STK36: variants seen among roughly 807,000 people sequenced by gnomAD.
The protein encoded by STK36 is serine/threonine kinase 36.
Under a neutral mutation model 142.2 loss-of-function variants are expected in STK36, and 116 were observed. The observed-to-expected ratio is 0.82, with a 90% confidence interval of 0.70 to 0.95. The LOEUF is 0.95. Ranked by LOEUF, STK36 falls within the 40% of genes least tolerant of loss-of-function variation. The pLI, the probability that STK36 is intolerant of heterozygous loss-of-function variation, is 0.00. For missense variants in STK36, 1,422 were observed against 1,617.2 expected (o/e 0.88, Z 2.07); for synonymous variants, 619 against 641.7 (o/e 0.96, Z 0.53).
Position 218,693,317 on chromosome 2 carries a change from T to G in STK36, c.2121T>G (p.His707Gln). The G allele has an allele frequency of 6.2e-7, 1 of 1,614,172 alleles. No homozygotes were observed. Among genetic ancestry groups the G allele is most frequent in the Non-Finnish European group, 8.5e-7 (1 of 1,180,018 alleles). The change falls in exon 17 of 27, where the codon CAT (histidine) becomes CAG (glutamine). Residue 707 changes from histidine to glutamine, a missense_variant. His to Gln is a conservative substitution (Grantham distance 24). This residue lies in a region of STK36 where 962 missense variants were observed against 1,167.5 expected (regional missense o/e 0.82). Coordinates refer to ENST00000295709, the MANE Select transcript of STK36 (RefSeq NM_015690.5). ...CATCCCTCATCTCTGGCCTGCAGCA[T>G]CCCATCCTGTGCCTGCACCTTCTCA... ...LRPSLISGLQ[H>Q]PILCLHLLKV...
rs2106370408 is a variant in STK36 at position 218,702,224 on chromosome 2, G to A, written c.*215G>A. On this transcript the variant is annotated 3_prime_UTR_variant, in exon 27 of 27. Coordinates refer to ENST00000295709, the MANE Select transcript of STK36 (RefSeq NM_015690.5). Reference sequence around the variant, plus strand: ...CAACCAGTAAATTTTATTGCTGTTGGTGCCAGAGAAGAGTCCTTTCTTCTC... The same window carrying A: ...CAACCAGTAAATTTTATTGCTGTTGATGCCAGAGAAGAGTCCTTTCTTCTC... The A allele has an allele frequency of 3.8e-6, 2 of 523,238 alleles. No homozygotes were observed. Among genetic ancestry groups the A allele is most frequent in the East Asian group, 7.0e-5 (2 of 28,540 alleles). The allele number at this position is 523,238 out of a possible 1,614,324, so 32.4% of individuals were successfully genotyped here.
In STK36 at chr2:218,673,181, C is replaced by G. The variant is rs889498581; in HGVS notation, c.84+268C>G. The stretch of plus-strand genomic sequence containing the variant: ...TCTAGAATGGGGATAAGAACAGCAA[C>G]TGATTGATGGAGTTTGAGGATTAAA... On this transcript the variant is annotated intron_variant, in intron 2 of 26. Coordinates refer to ENST00000295709, the MANE Select transcript of STK36 (RefSeq NM_015690.5). The G allele has an allele frequency of 9.1e-6, 4 of 438,546 alleles. No homozygotes were observed. The South Asian group carries it at 1.2e-4, about 14-fold the overall frequency. 27.2% of individuals were successfully genotyped at this position (438,546 alleles called of 1,614,324 possible).
chr2:218,693,473 C>A (rs1674231358), intron 17 of STK36, 129 bp downstream of exon 17: 2 of 895,858 alleles, frequency 2.2e-6, no homozygotes, highest in Non-Finnish European at 1.7e-6. Context: ...TGAGACACCC[C>A]CTTGGAAGAC....
chr2:218,689,805 T>G (rs1575135074), intron 12 of STK36, 54 bp from the exon 13 acceptor site: 1 of 1,520,704 alleles, frequency 6.6e-7, no homozygotes, highest in East Asian at 2.4e-5. Flanking sequence ...TTTTTTCTAT[T>G]CTTTGTTTCC....
Position 218,682,923 on chromosome 2 carries a change from T to C in STK36, c.1237-2162T>C, listed in dbSNP as rs533411721. 3.9e-5 allele frequency among the ~76,000 whole-genome samples: 6 copies of C among 152,282 alleles called. No homozygotes were observed. The South Asian group carries it at 1.2e-3, about 32-fold the overall frequency. The stretch of plus-strand genomic sequence containing the variant: ...GCATTTAGTTGTTATGCCTCCTTAG[T>C]CTCCTTTAATCTGGAACAGTTCTTG... On this transcript the variant is annotated intron_variant, in intron 10 of 26. Coordinates refer to ENST00000295709, the MANE Select transcript of STK36 (RefSeq NM_015690.5).
rs1665335219 is a variant in STK36 at position 218,702,552 on chromosome 2, T to TG, written c.*544dup. On this transcript the variant is annotated 3_prime_UTR_variant, in exon 27 of 27. Transcript: ENST00000295709. Reference sequence around the variant, plus strand: ...TCTTTTTTTGGGGTGTGTGTGTATATGTGTGTGTGTATGTGTGTGTGTGTT... The same window carrying TG: ...TCTTTTTTTGGGGTGTGTGTGTATATGGTGTGTGTGTATGTGTGTGTGTGTT... 6.6e-6 allele frequency: 1 copy of TG among 152,536 alleles called. No homozygotes were observed. Among genetic ancestry groups the TG allele is most frequent in the South Asian group, 2.1e-4 (1 of 4,844 alleles). The allele number at this position is 152,536 out of a possible 1,614,324, so 9.4% of individuals were successfully genotyped here. A position where few individuals can be genotyped will look rare whatever the true frequency, so the allele number is the denominator to read the frequency against.
intron 7 of STK36, 101 bp downstream of exon 7, chr2:218,679,362 TC>T: frequency 7.4e-7 from 1 of 1,343,832 alleles, no homozygotes; most frequent in Non-Finnish European, 1.0e-6. Flanking sequence ...ATGTCGTCTT[TC>T]CTCCAGCAGC....
chr2:218,699,119 C>T lies in STK36; in HGVS notation c.3575C>T (p.Ala1192Val). The T allele has an allele frequency of 6.2e-7, 1 of 1,614,064 alleles. No individual in the cohort carries two copies. Among genetic ancestry groups the T allele is most frequent in the Non-Finnish European group, 8.5e-7 (1 of 1,180,030 alleles). Residue 1192 changes from alanine (A) to valine (V), a missense_variant, in exon 26 of 27, where the codon GCT (alanine) becomes GTT (valine). Physicochemically the swap from Ala to Val is moderately conservative, Grantham distance 64 (BLOSUM62 0). Coordinates refer to ENST00000295709, the MANE Select transcript of STK36 (RefSeq NM_015690.5). Reference sequence around the variant, plus strand: ...GGTCCTCTGGGACCTGCCCTGGCAGCTGCAGTGCCCAGTATGACCCAGCTG... The same window carrying T: ...GGTCCTCTGGGACCTGCCCTGGCAGTTGCAGTGCCCAGTATGACCCAGCTG... ...QAGPLGPALA[A>V]AVPSMTQLLG...
Position 218,694,218 on chromosome 2 carries a change from C to T in STK36, c.2337-46C>T. The T allele has an allele frequency of 6.5e-7, 1 of 1,544,762 alleles. No individual in the cohort carries two copies. The highest frequency in any genetic ancestry group is 9.0e-7 in the Non-Finnish European group (1 of 1,117,130). On this transcript the variant is annotated intron_variant, in intron 19 of 26. Coordinates refer to ENST00000295709, the MANE Select transcript of STK36 (RefSeq NM_015690.5). This position sits in a 1 kb window ranked among gnomAD's most constrained non-coding sequence, Gnocchi z 4.4. ...AGGGAGAGGGGAGGCCGCTTACCAACCTCCTTTAATACTGCTGCATCCCTT... is the reference window on the plus strand; with the variant it reads ...AGGGAGAGGGGAGGCCGCTTACCAATCTCCTTTAATACTGCTGCATCCCTT...
chr2:218,679,035 T>C (rs1378194263), intron 6 of STK36, 133 bp from the exon 7 acceptor site: 6 of 811,764 alleles, frequency 7.4e-6, no homozygotes, highest in African/African-American at 3.5e-5. Context: ...ACAAAGTTTT[T>C]AGAGGGCATG....
intron 17 of STK36, 126 bp downstream of exon 17, chr2:218,693,470 C>A (rs55996799): frequency 2.1e-6 from 2 of 931,912 alleles, no homozygotes; most frequent in Non-Finnish European, 3.2e-6. Context: ...ATTTGAGACA[C>A]CCCCTTGGAA....
intron 21 of STK36, 125 bp from the exon 22 acceptor site, chr2:218,696,402 T>G: frequency 1.3e-6 from 1 of 787,068 alleles, no homozygotes; most frequent in Non-Finnish European, 2.2e-6. Flanking sequence ...CCAGGCCCCA[T>G]ATATTCTACC....
Position 218,698,984 on chromosome 2 carries a change from T to C in STK36, c.3440T>C (p.Leu1147Pro). ...LQHSMALRGA[L>P]QSQSGLLSLL... is the part of the protein sequence containing the mutation. ...CACAGCATGGCCCTGCGTGGGGCAC[T>C]GCAGAGCCAGTCTGGACTGCTCAGC... The change falls in exon 26 of 27, where the codon CTG (leucine) becomes CCG (proline). Residue 1147 changes from leucine to proline, a missense_variant. Transcript: ENST00000295709. 6.2e-7 allele frequency: 1 copy of C among 1,614,176 alleles called. No individual in the cohort carries two copies. The highest frequency in any genetic ancestry group is 8.5e-7 in the Non-Finnish European group (1 of 1,180,032).
intron 26 of STK36, 25 bp downstream of exon 26, chr2:218,699,373 C>T: frequency 6.2e-7 from 1 of 1,600,864 alleles, no homozygotes; most frequent in Middle Eastern, 1.7e-4. Context: ...ACTTATGAAC[C>T]ATGATGATCA....
chr2:218,673,507 A>G, intron 2 of STK36, 118 bp from the exon 3 acceptor site: 1 of 1,350,272 alleles, frequency 7.4e-7, no homozygotes. Flanking sequence ...TAACAGAAAT[A>G]ATAAGAGTTA....
At position 218,696,614 on chromosome 2, in the gene STK36, C is replaced by G; in HGVS notation, c.2586+13C>G. 6.2e-7 allele frequency: 1 copy of G among 1,613,462 alleles called. No homozygotes were observed. The stretch of plus-strand genomic sequence containing the variant: ...GCTCCTCACTGAGGTACAGATGGAT[C>G]TTGGGATGGATGGGAAGTAAAGAGA... On this transcript the variant is annotated intron_variant, in intron 22 of 26. Coordinates refer to ENST00000295709, the MANE Select transcript of STK36 (RefSeq NM_015690.5).
At chr2:218,674,930 T>C (rs1012801722) in intron 4 of STK36, among the ~76,000 whole-genome samples, 1 of 152,198 alleles carries the variant, frequency 6.6e-6, no homozygotes, top group Non-Finnish European at 1.5e-5. Context: ...CTTGTTTGTT[T>C]GTCTGACTAC....
At chr2:218,698,060 A>G (rs1941303271) in intron 25 of STK36, 59 bp downstream of exon 25, 3 of 1,605,386 alleles carry the variant, frequency 1.9e-6, no homozygotes, top group Non-Finnish European at 2.6e-6. Flanking sequence ...GTATCCTCTA[A>G]TTTACTTCCC....
At chr2:218,684,311 C>T (rs991836534) in intron 10 of STK36, among the ~76,000 whole-genome samples, 4 of 149,318 alleles carry the variant, frequency 2.7e-5, no homozygotes, top group African/African-American at 7.4e-5. Context: ...GGTGGGGTTT[C>T]TCCATGTTGG....
Sources: allele counts gnomAD v4.1 joint callset (sites outside exome capture counted in the v4.1 genomes callset), GRCh38; gene constraint gnomAD v4.1.1; regional missense constraint gnomAD v4.1.1; non-coding constraint Gnocchi (gnomAD v3.1); transcripts MANE v1.5; gene names NCBI Gene and HGNC (gene_info 2026-07-23, HGNC 2026-07-21).